Variants in PSMB5 observed in about 807,000 individuals in gnomAD.
PSMB5 encodes proteasome 20S subunit beta 5.
PSMB5 carries 2 observed loss-of-function variants against 22.8 expected under a neutral mutation model. The observed-to-expected ratio is 0.09, with a 90% confidence interval of 0.04 to 0.28. The LOEUF (loss-of-function observed/expected upper bound fraction) is 0.28, where lower values mean the gene tolerates loss of function less well. Ranked by LOEUF, PSMB5 falls within the 10% of genes least tolerant of loss-of-function variation. PSMB5 has a pLI of 1.00. For missense variants in PSMB5, 269 were observed against 343.8 expected (o/e 0.78, Z 1.72); for synonymous variants, 133 against 135.3 (o/e 0.98, Z 0.12).
At chr14:23,033,786 T>C in intron 1 of PSMB5, 112 bp from the exon 2 acceptor site, 1 of 946,390 alleles carries the variant, frequency 1.1e-6, no homozygotes, top group Non-Finnish European at 1.5e-6. Context: ...TCCGTCCTTT[T>C]ATACTTCACA....
intron 2 of PSMB5, among the ~76,000 whole-genome samples, chr14:23,031,404 T>G (rs1235382679): frequency 6.6e-6 from 1 of 152,212 alleles, no homozygotes; most frequent in East Asian, 1.9e-4. Flanking sequence ...TCATCCTCCA[T>G]TGGGTAGTAA....
At chr14:23,031,240 C>T (rs2046950696) in intron 2 of PSMB5, among the ~76,000 whole-genome samples, 1 of 152,170 alleles carries the variant, frequency 6.6e-6, no homozygotes, top group African/African-American at 2.4e-5. Flanking sequence ...AGAACAAATC[C>T]GCCAGCTAAA....
chr14:23,030,299 CTAACACAGT>C (rs910358608), intron 2 of PSMB5, among the ~76,000 whole-genome samples: 1 of 151,484 alleles, frequency 6.6e-6, no homozygotes, highest in African/African-American at 2.4e-5. Flanking sequence ...ACCATCCTGG[CTAACACAGT>C]GAAACCCCGT....
chr14:23,031,739 T>C (rs368903715), intron 2 of PSMB5, among the ~76,000 whole-genome samples: 6 of 152,168 alleles, frequency 3.9e-5, no homozygotes, highest in African/African-American at 1.2e-4. Flanking sequence ...TCAGAGATGA[T>C]AGAACCGGAC....
intron 1 of PSMB5, 161 bp downstream of exon 1, chr14:23,034,523 T>C: frequency 1.2e-6 from 1 of 812,270 alleles, no homozygotes; most frequent in East Asian, 2.7e-5. Flanking sequence ...GACAGGGGCC[T>C]CCTGGGCCAA....
At chr14:23,029,536 T>C (rs2046938455) in intron 2 of PSMB5, among the ~76,000 whole-genome samples, 2 of 152,224 alleles carry the variant, frequency 1.3e-5, no homozygotes, top group Admixed American at 6.5e-5. Flanking sequence ...CTGGTTCTTT[T>C]TATTTATTGA....
At chr14:23,027,692 C>T in intron 2 of PSMB5, 2 of 1,287,574 alleles carry the variant, frequency 1.6e-6, no homozygotes, top group South Asian at 1.3e-5. Context: ...AATATTAAGA[C>T]TCCAGGATTC....
Position 23,026,397 on chromosome 14 carries a change from G to A in PSMB5, c.506-22C>T, listed in dbSNP as rs371788801. ...AGGCCTGGAAAGGGAGATGAGGTTA[G>A]CAGGAAAAAAAAAAAGATCACCCCT... is the stretch of plus-strand genomic sequence containing the variant. On this transcript the variant is annotated intron_variant, in intron 2 of 2. Coordinates refer to ENST00000361611, the MANE Select transcript of PSMB5 (RefSeq NM_002797.5). The A allele has an allele frequency of 2.4e-5, 38 of 1,580,962 alleles. No individual in the cohort carries two copies. The African/African-American group carries it at 2.8e-4, about 12-fold the overall frequency.
chr14:23,027,692 CTCCAG>C (rs752331842), intron 2 of PSMB5: 20 of 1,287,574 alleles, frequency 1.6e-5, no homozygotes, highest in African/African-American at 7.5e-5. Flanking sequence ...AATATTAAGA[CTCCAG>C]GATTCTACAA....
Position 23,026,169 on chromosome 14 carries a change from C to T in PSMB5, c.712G>A (p.Val238Met), listed in dbSNP as rs56688661. Reference protein sequence around the residue: ...YSGGAVNLYHVREDGWIRVSS... With the variant: ...YSGGAVNLYHMREDGWIRVSS... The stretch of plus-strand genomic sequence containing the variant: ...ACTCGGATCCAGCCATCCTCCCGCA[C>T]GTGGTAGAGGTTGACTGCACCTCCT... Residue 238 changes from valine to methionine, a missense_variant, in exon 3 of 3, where the codon GTG becomes ATG. This residue lies in a region of PSMB5 where 113 missense variants were observed against 130.2 expected (regional missense o/e 0.87). Transcript: ENST00000361611. 1.2e-5 allele frequency: 19 copies of T among 1,614,056 alleles called. No homozygotes were observed. The highest frequency in any genetic ancestry group is 4.5e-5 in the East Asian group (2 of 44,886).
intron 2 of PSMB5, 96 bp from the exon 3 acceptor site, chr14:23,026,471 T>TG (rs2046914639): frequency 6.7e-7 from 1 of 1,493,122 alleles, no homozygotes; most frequent in Non-Finnish European, 8.9e-7. Flanking sequence ...TTTTTTGAGA[T>TG]GGAGTTTTGC....
intron 2 of PSMB5, among the ~76,000 whole-genome samples, chr14:23,032,346 C>A (rs911399558): frequency 6.7e-5 from 10 of 149,580 alleles, no homozygotes; most frequent in Admixed American, 2.0e-4. Flanking sequence ...TGGGAGACTG[C>A]GGCAGGAGAA....
intron 2 of PSMB5, among the ~76,000 whole-genome samples, chr14:23,031,544 G>A (rs987728390): frequency 6.6e-6 from 1 of 152,162 alleles, no homozygotes; most frequent in African/African-American, 2.4e-5. Flanking sequence ...AAAATCAAAA[G>A]GAGGAAAGAA....
chr14:23,033,035 C>A (rs1367918722), intron 2 of PSMB5, among the ~76,000 whole-genome samples: 2 of 147,960 alleles, frequency 1.4e-5, no homozygotes, highest in African/African-American at 5.0e-5. Flanking sequence ...GCCTCCTGAG[C>A]AGCTGGTATT....
chr14:23,033,149 A>C (rs1161923033), intron 2 of PSMB5, among the ~76,000 whole-genome samples: 9 of 148,976 alleles, frequency 6.0e-5, no homozygotes. Flanking sequence ...CTGGGGGCGG[A>C]GGCTGCAGTG....
chr14:23,032,833 C>T (rs772751025), intron 2 of PSMB5, among the ~76,000 whole-genome samples: 27 of 150,028 alleles, frequency 1.8e-4, no homozygotes, highest in Non-Finnish European at 3.1e-4. Context: ...CTCCTGACCT[C>T]GTGATCCACT....
chr14:23,026,213 G>A lies in PSMB5; in HGVS notation c.668C>T (p.Thr223Ile), dbSNP rs2139909712. 1 of 1,614,126 alleles carries A rather than the reference G, an allele frequency of 6.2e-7. No homozygotes were observed. Among genetic ancestry groups the A allele is most frequent in the Non-Finnish European group, 8.5e-7 (1 of 1,180,030 alleles). ...DLARRAIYQA[T>I]YRDAYSGGAV... The stretch of plus-strand genomic sequence containing the variant: ...ACCTCCTGAGTAGGCATCTCTGTAG[G>A]TGGCTTGGTAGATGGCTCGACGGGC... Residue 223 changes from threonine to isoleucine, a missense_variant, in exon 3 of 3, where the codon ACC becomes ATC. By Grantham distance (89) the Thr-to-Ile change is moderately conservative. Coordinates refer to ENST00000361611, the MANE Select transcript of PSMB5 (RefSeq NM_002797.5).
rs1319321708 is a variant in PSMB5 at position 23,027,410 on chromosome 14, T to A, written c.506-1035A>T. On this transcript the variant is annotated intron_variant, in intron 2 of 2. Coordinates refer to ENST00000361611, the MANE Select transcript of PSMB5 (RefSeq NM_002797.5). ...AAAAAAAAAATAATAATAATAATAA[T>A]AAATAAATAAAATAATATATATATA... is the stretch of plus-strand genomic sequence containing the variant. 2.2e-4 allele frequency among the ~76,000 whole-genome samples: 31 copies of A among 141,082 alleles called. 1 individual carries two copies. In the East Asian group the frequency reaches 3.2e-3, roughly 15 times the overall value. The allele number at this position is 141,082 out of a possible 152,430, so 92.6% of individuals were successfully genotyped here.
intron 1 of PSMB5, chr14:23,034,470 A>C: frequency 3.4e-6 from 2 of 585,876 alleles, no homozygotes. Flanking sequence ...TCCTCCCCCG[A>C]CTTACCCCCG....
Sources: allele counts gnomAD v4.1 joint callset (sites outside exome capture counted in the v4.1 genomes callset), GRCh38; gene constraint gnomAD v4.1.1; regional missense constraint gnomAD v4.1.1; transcripts MANE v1.5; gene names NCBI Gene and HGNC (gene_info 2026-07-23, HGNC 2026-07-21).